Variants in UBE3C observed in about 807,000 individuals in gnomAD.
UBE3C encodes the protein ubiquitin-protein ligase E3C.
In UBE3C, 42 loss-of-function variants were observed where a neutral mutation model predicts 129.4. The ratio of observed to expected loss-of-function variants is 0.32; its 90% CI spans 0.25 to 0.42. UBE3C has a LOEUF of 0.42. Ranked by LOEUF, UBE3C falls within the 10% of genes least tolerant of loss-of-function variation. UBE3C has a pLI of 1.00. For missense variants in UBE3C, 1,049 were observed against 1,319.1 expected (o/e 0.80, Z 3.17); for synonymous variants, 510 against 492.4 (o/e 1.04, Z -0.47).
intron 18 of UBE3C, among the ~76,000 whole-genome samples, chr7:157,239,668 G>A (rs1224810210): frequency 6.6e-6 from 1 of 152,182 alleles, no homozygotes; most frequent in Non-Finnish European, 1.5e-5. Context: ...AAGGGATATG[G>A]GGCTAGGAAA....
At chr7:157,255,157 G>A (rs991550016) in intron 21 of UBE3C, among the ~76,000 whole-genome samples, 4 of 150,452 alleles carry the variant, frequency 2.7e-5, no homozygotes, top group African/African-American at 5.0e-5. Context: ...ACGTACATGG[G>A]CAAAAAAAAC....
At chr7:157,177,716 CCT>C (rs1017368622) in intron 5 of UBE3C, among the ~76,000 whole-genome samples, 17 of 152,218 alleles carry the variant, frequency 1.1e-4, no homozygotes, top group African/African-American at 3.6e-4. Flanking sequence ...GTCCTCACCC[CCT>C]GTCTCTCCTG....
At chr7:157,198,465 G>A (rs1809185305) in intron 10 of UBE3C, 1 of 480,906 alleles carries the variant, frequency 2.1e-6, no homozygotes, top group East Asian at 4.3e-5. Flanking sequence ...CAGCCTGGAA[G>A]ATCTCCTCTC....
intron 17 of UBE3C, among the ~76,000 whole-genome samples, chr7:157,230,270 A>G (rs1795986991): frequency 6.6e-6 from 1 of 152,070 alleles, no homozygotes; most frequent in South Asian, 2.1e-4. Flanking sequence ...TCAGCCAAAT[A>G]CAGCTTTTAA....
chr7:157,169,141 G>A lies in UBE3C; in HGVS notation c.195+19G>A. On this transcript the variant is annotated intron_variant, in intron 3 of 22. Transcript: ENST00000348165. ...ACAGCAAGTAAGTTTGTTTTAAAAT[G>A]AGGAGATTAGTAGGGCATGGGAGAG... The A allele has an allele frequency of 1.2e-6, 2 of 1,600,334 alleles. No individual in the cohort carries two copies. Among genetic ancestry groups the A allele is most frequent in the Non-Finnish European group, 1.7e-6 (2 of 1,168,446 alleles).
At chr7:157,211,456 G>A (rs1047812245) in intron 13 of UBE3C, among the ~76,000 whole-genome samples, 1 of 152,100 alleles carries the variant, frequency 6.6e-6, no homozygotes, top group South Asian at 2.1e-4. Context: ...TAATTTTATA[G>A]TGTTTTAAAT....
In UBE3C at chr7:157,186,816, T is replaced by C; in HGVS notation, c.1144-18T>C. 6.2e-7 allele frequency: 1 copy of C among 1,612,348 alleles called. No homozygotes were observed. The highest frequency in any genetic ancestry group is 1.1e-5 in the South Asian group (1 of 91,016). On this transcript the variant is annotated intron_variant, in intron 9 of 22. Coordinates refer to ENST00000348165, the MANE Select transcript of UBE3C (RefSeq NM_014671.3). ...GTTGAGCACATTTATGGAGACTGGT[T>C]GTTCTGGTATGTTCTAGGAGGATGG... is the stretch of plus-strand genomic sequence containing the variant.
At chr7:157,154,524 G>A (rs1253442824) in intron 1 of UBE3C, among the ~76,000 whole-genome samples, 2 of 151,848 alleles carry the variant, frequency 1.3e-5, no homozygotes, top group South Asian at 2.1e-4. Flanking sequence ...ATTCCATATC[G>A]GCATCTTTAT....
rs1343163944 is a variant in UBE3C, at chr7:157,183,769, G to A, written c.992-109G>A. The A allele has an allele frequency of 7.5e-6, 10 of 1,328,054 alleles. No homozygotes were observed. The African/African-American group carries it at 1.3e-4, about 18-fold the overall frequency. The allele number at this position is 1,328,054 out of a possible 1,614,324, so 82.3% of individuals were successfully genotyped here. A position where few individuals can be genotyped will look rare whatever the true frequency, so the allele number is the denominator to read the frequency against. On this transcript the variant is annotated intron_variant, in intron 8 of 22. Coordinates refer to ENST00000348165, the MANE Select transcript of UBE3C (RefSeq NM_014671.3). ...AACACAGTTAGAATTTTAAAAATAA[G>A]ATCTGGTCAGAAATGCCTCTCTGCG...
chr7:157,168,072 C>T (rs960305212), intron 2 of UBE3C, among the ~76,000 whole-genome samples: 3 of 151,938 alleles, frequency 2.0e-5, no homozygotes, highest in African/African-American at 4.8e-5. Context: ...GTCCTGCTAG[C>T]CGGGCACGGT....
At chr7:157,230,173 G>A (rs1381383412) in intron 17 of UBE3C, among the ~76,000 whole-genome samples, 3 of 151,802 alleles carry the variant, frequency 2.0e-5, no homozygotes, top group African/African-American at 7.3e-5. Context: ...GCGTCCCAAA[G>A]TGCTGGGATT....
chr7:157,203,432 C>G (rs1809346448), intron 11 of UBE3C, among the ~76,000 whole-genome samples: 1 of 152,108 alleles, frequency 6.6e-6, no homozygotes, highest in African/African-American at 2.4e-5. Flanking sequence ...TCAGCCACTT[C>G]TGACTACGCC....
chr7:157,200,923 C>A (rs940350760), intron 10 of UBE3C, among the ~76,000 whole-genome samples: 1 of 151,928 alleles, frequency 6.6e-6, no homozygotes, highest in Non-Finnish European at 1.5e-5. Flanking sequence ...GCCTAAAAAT[C>A]TTTAAGATAC....
At chr7:157,158,078 A>G (rs1223012858) in intron 1 of UBE3C, among the ~76,000 whole-genome samples, 2 of 133,824 alleles carry the variant, frequency 1.5e-5, no homozygotes, top group African/African-American at 2.8e-5. Context: ...TTTTTCCTGT[A>G]AAGGGAGCCT....
chr7:157,212,522 G>T (rs760681825), intron 13 of UBE3C, among the ~76,000 whole-genome samples: 24 of 152,132 alleles, frequency 1.6e-4, no homozygotes, highest in Non-Finnish European at 2.6e-4. Flanking sequence ...GATCATCATT[G>T]CCATGAACTC....
At chr7:157,230,711 A>AAAAG (rs1796000680) in intron 17 of UBE3C, among the ~76,000 whole-genome samples, 1 of 143,358 alleles carries the variant, frequency 7.0e-6, no homozygotes, top group East Asian at 2.1e-4. Flanking sequence ...AAAAAAAAAA[A>AAAAG]AAACCTCCTA....
At chr7:157,143,844 G>A (rs1455458971) in intron 1 of UBE3C, among the ~76,000 whole-genome samples, 2 of 152,212 alleles carry the variant, frequency 1.3e-5, no homozygotes, top group Non-Finnish European at 2.9e-5. Context: ...GTCCTTAAGA[G>A]GACTTGGAGT....
intron 1 of UBE3C, among the ~76,000 whole-genome samples, chr7:157,157,448 AAGTT>A (rs1352232752): frequency 3.9e-5 from 6 of 152,312 alleles, no homozygotes; most frequent in East Asian, 3.9e-4. Flanking sequence ...GAAACATAAA[AAGTT>A]AGACGCTGCA....
At chr7:157,250,426 A>G (rs1796593756) in intron 19 of UBE3C, among the ~76,000 whole-genome samples, 1 of 151,978 alleles carries the variant, frequency 6.6e-6, no homozygotes, top group Non-Finnish European at 1.5e-5. Flanking sequence ...AGCTCAAGCG[A>G]TCCTCCTGCC....
Sources: allele counts gnomAD v4.1 joint callset (sites outside exome capture counted in the v4.1 genomes callset), GRCh38; gene constraint gnomAD v4.1.1; transcripts MANE v1.5; gene names NCBI Gene and HGNC (gene_info 2026-07-23, HGNC 2026-07-21).